The following UBE2E3 variants were observed in gnomAD, a reference collection of about 807,000 sequenced individuals.
The protein encoded by UBE2E3 is ubiquitin-conjugating enzyme E2 E3.
A neutral mutation model predicts 23.6 loss-of-function variants in UBE2E3; 5 were observed. The observed-to-expected ratio is 0.21, with a 90% CI of 0.11 to 0.44. UBE2E3 has a LOEUF of 0.44. UBE2E3 is among the 20% of genes least tolerant of loss of function. The probability of loss-of-function intolerance (pLI) is 0.99; values close to 1 mark genes in which losing one functional copy is unlikely to be tolerated. For missense variants in UBE2E3, 81 were observed against 249.8 expected, an observed-to-expected ratio of 0.32 and a Z score of 4.55; for synonymous variants, 78 against 87.5, an observed-to-expected ratio of 0.89 and a Z score of 0.60.
intron 3 of UBE2E3, among the ~76,000 whole-genome samples, chr2:181,001,387 G>T (rs1477797176): frequency 6.6e-6 from 1 of 152,088 alleles, no homozygotes; most frequent in East Asian, 1.9e-4. Flanking sequence ...CTGGGGAAAA[G>T]AAACATACAA....
At chr2:180,986,366 A>C (rs1228791486) in intron 3 of UBE2E3, among the ~76,000 whole-genome samples, 3 of 152,136 alleles carry the variant, frequency 2.0e-5, no homozygotes, top group Non-Finnish European at 4.4e-5. Flanking sequence ...CTTTGTCTTC[A>C]AATTCTTGTG....
intron 3 of UBE2E3, among the ~76,000 whole-genome samples, chr2:181,023,132 G>A (rs1401081737): frequency 6.6e-6 from 1 of 152,158 alleles, no homozygotes; most frequent in Non-Finnish European, 1.5e-5. Context: ...CAGTGGGGCC[G>A]CGCCCCAATA....
chr2:181,022,647 T>G (rs1266259576), intron 3 of UBE2E3, among the ~76,000 whole-genome samples: 1 of 152,002 alleles, frequency 6.6e-6, no homozygotes. Context: ...TAGCATTATG[T>G]TGGGGACCAT....
At chr2:180,993,772 C>G (rs1684744526) in intron 3 of UBE2E3, among the ~76,000 whole-genome samples, 1 of 152,140 alleles carries the variant, frequency 6.6e-6, no homozygotes, top group African/African-American at 2.4e-5. Context: ...GAGAATCGAT[C>G]TCAGAAGATT....
intron 3 of UBE2E3, among the ~76,000 whole-genome samples, chr2:181,034,564 T>TA (rs1251869646): frequency 6.6e-6 from 1 of 152,076 alleles, no homozygotes; most frequent in Admixed American, 6.6e-5. Context: ...CATTAGGAGA[T>TA]ACACCTAATG....
chr2:181,043,294 A>G (rs1686569946), intron 3 of UBE2E3, among the ~76,000 whole-genome samples: 1 of 152,256 alleles, frequency 6.6e-6, no homozygotes, highest in South Asian at 2.1e-4. Flanking sequence ...CTAGTAGCAT[A>G]TAAATTCAAG....
chr2:180,982,567 T>C (rs1684334471), intron 2 of UBE2E3, among the ~76,000 whole-genome samples: 2 of 152,082 alleles, frequency 1.3e-5, no homozygotes, highest in Non-Finnish European at 2.9e-5. Context: ...GGATGTTCCT[T>C]TTATGAGTCA....
At chr2:181,013,406 T>G (rs1397946884) in intron 3 of UBE2E3, among the ~76,000 whole-genome samples, 1 of 150,934 alleles carries the variant, frequency 6.6e-6, no homozygotes, top group African/African-American at 2.4e-5. Context: ...TTGATGAGAT[T>G]GGAAGATCTA....
intron 3 of UBE2E3, among the ~76,000 whole-genome samples, chr2:181,006,329 G>A (rs1240061027): frequency 6.6e-6 from 1 of 151,834 alleles, no homozygotes; most frequent in African/African-American, 2.4e-5. Flanking sequence ...TAAAGTAAAG[G>A]CACACCTCCC....
intron 3 of UBE2E3, among the ~76,000 whole-genome samples, chr2:180,999,230 G>T (rs1441267873): frequency 6.6e-6 from 1 of 152,158 alleles, no homozygotes; most frequent in Non-Finnish European, 1.5e-5. Flanking sequence ...AAGAATGGCA[G>T]TTCCTAGTAC....
intron 3 of UBE2E3, among the ~76,000 whole-genome samples, chr2:181,024,642 TTTA>T (rs1351273974): frequency 6.6e-6 from 1 of 152,102 alleles, no homozygotes; most frequent in Non-Finnish European, 1.5e-5. Context: ...CTCTTAACAT[TTTA>T]TTATGAAAAT....
chr2:181,002,950 A>G (rs375806785), intron 3 of UBE2E3, among the ~76,000 whole-genome samples: 7 of 152,144 alleles, frequency 4.6e-5, no homozygotes, highest in African/African-American at 1.7e-4. Flanking sequence ...AAAACTCAAC[A>G]CCCGGTACAA....
intron 3 of UBE2E3, among the ~76,000 whole-genome samples, chr2:181,026,274 A>T (rs907850130): frequency 6.6e-6 from 1 of 151,896 alleles, no homozygotes; most frequent in African/African-American, 2.4e-5. Context: ...GCAAATATAG[A>T]TTACATATTC....
intron 3 of UBE2E3, chr2:180,987,428 T>C (rs1684515231): frequency 1.9e-6 from 3 of 1,548,264 alleles, no homozygotes; most frequent in Non-Finnish European, 2.6e-6. Flanking sequence ...CTAATTTCTT[T>C]CCATATAGGA....
At chr2:181,041,946 A>G (rs1442829551) in intron 3 of UBE2E3, among the ~76,000 whole-genome samples, 1 of 152,190 alleles carries the variant, frequency 6.6e-6, no homozygotes, top group Non-Finnish European at 1.5e-5. Flanking sequence ...TATAAACATT[A>G]TTGTGATATA....
intron 3 of UBE2E3, among the ~76,000 whole-genome samples, chr2:180,996,084 TATC>T (rs939515199): frequency 2.0e-5 from 3 of 152,172 alleles, no homozygotes; most frequent in African/African-American, 7.2e-5. Context: ...ATATTGCTGT[TATC>T]ATCTTTATAG....
At chr2:181,031,228 G>A (rs1686068030) in intron 3 of UBE2E3, among the ~76,000 whole-genome samples, 1 of 151,926 alleles carries the variant, frequency 6.6e-6, no homozygotes, top group African/African-American at 2.4e-5. Context: ...TTCTCTGATT[G>A]TTACATATAG....
intron 3 of UBE2E3, among the ~76,000 whole-genome samples, chr2:181,022,496 A>G (rs141016670): frequency 1.3e-3 from 195 of 152,102 alleles, no homozygotes; most frequent in African/African-American, 4.4e-3. Flanking sequence ...ACATCTTCTC[A>G]GTGTATATTG....
At chr2:181,012,205 T>C (rs1685350186) in intron 3 of UBE2E3, among the ~76,000 whole-genome samples, 1 of 152,188 alleles carries the variant, frequency 6.6e-6, no homozygotes, top group Non-Finnish European at 1.5e-5. Context: ...CTTACTACAT[T>C]AACAACACTG....
Sources: allele counts gnomAD v4.1 joint callset (sites outside exome capture counted in the v4.1 genomes callset), GRCh38; gene constraint gnomAD v4.1.1; transcripts MANE v1.5; gene names NCBI Gene and HGNC (gene_info 2026-07-23, HGNC 2026-07-21).